Variants in LAMB4 observed in about 807,000 individuals in gnomAD.
The protein encoded by LAMB4 is laminin subunit beta-4.
Under a neutral mutation model 199.2 loss-of-function variants are expected in LAMB4, and 196 were observed. That is an observed-to-expected ratio of 0.98 (90% confidence interval 0.88 to 1.11). LAMB4 has a LOEUF of 1.11. LAMB4 is among the 50% of genes least tolerant of loss of function. LAMB4 has a pLI of 0.00. For synonymous variants in LAMB4, 744 were observed against 770.6 expected (o/e 0.97, Z 0.57); for missense variants, 2,080 against 2,171.2 (o/e 0.96, Z 0.83).
At chr7:108,015,307 C>A in the LAMB4 span, among the ~76,000 whole-genome samples, 9 of 152,204 alleles carry the variant, frequency 5.9e-5, no homozygotes, top group Non-Finnish European at 2.9e-5. Context: ...CTTTCCCAAG[C>A]TTTGAGCTTC....
intron 19 of LAMB4, 38 bp downstream of exon 19, chr7:108,067,978 G>A: frequency 1.2e-6 from 2 of 1,613,316 alleles, no homozygotes; most frequent in Non-Finnish European, 8.5e-7. Flanking sequence ...TGTCAAGACT[G>A]TGAGCAAGTG....
chr7:108,070,847 T>A (rs1195286189), intron 17 of LAMB4, among the ~76,000 whole-genome samples: 4 of 152,074 alleles, frequency 2.6e-5, no homozygotes, highest in Non-Finnish European at 5.9e-5. Context: ...TTTACCAGTG[T>A]CTCCTCTTTC....
At chr7:108,107,530 CT>C (rs1255574055) in intron 6 of LAMB4, 100 bp downstream of exon 6, 1 of 885,278 alleles carries the variant, frequency 1.1e-6, no homozygotes, top group East Asian at 2.8e-5. Flanking sequence ...AACAGCCCAA[CT>C]TACATTACAG....
intron 17 of LAMB4, among the ~76,000 whole-genome samples, chr7:108,076,516 G>A (rs1254100910): frequency 3.3e-5 from 5 of 152,136 alleles, no homozygotes; most frequent in African/African-American, 1.2e-4. Context: ...GTATAAAATG[G>A]GAACTTGGAA....
At chr7:108,092,239 T>C (rs1271478770) in intron 13 of LAMB4, 98 bp downstream of exon 13, 2 of 842,646 alleles carry the variant, frequency 2.4e-6, no homozygotes, top group Non-Finnish European at 1.9e-6. Flanking sequence ...TTGCTTGTCA[T>C]GGAATGAAAT....
At position 108,057,797 on chromosome 7, in the gene LAMB4, T is replaced by C. The variant is rs2036029762; in HGVS notation, c.3379+35A>G. 4 of 1,364,164 alleles carry C rather than the reference T, an allele frequency of 2.9e-6. No individual in the cohort carries two copies. The East Asian group carries it at 9.1e-5, about 31-fold the overall frequency. 84.5% of individuals were successfully genotyped at this position (1,364,164 alleles called of 1,614,324 possible). A position where few individuals can be genotyped will look rare whatever the true frequency, so the allele number is the denominator to read the frequency against. Reference sequence around the variant, plus strand: ...ATGTCCATGGTAGGGCCAGGCTGACTGTACGCATGAGTTTTTAGAAATCCC... The same window carrying C: ...ATGTCCATGGTAGGGCCAGGCTGACCGTACGCATGAGTTTTTAGAAATCCC... On this transcript the variant is annotated intron_variant, in intron 24 of 33. Coordinates refer to ENST00000388781, the MANE Select transcript of LAMB4 (RefSeq NM_007356.3).
the LAMB4 span, among the ~76,000 whole-genome samples, chr7:108,018,007 T>C: frequency 6.6e-6 from 1 of 152,264 alleles, no homozygotes; most frequent in Admixed American, 6.5e-5. Context: ...CACCTGATCC[T>C]TGGTCCACTG....
At chr7:108,024,248 C>T in intron 33 of LAMB4, 70 bp from the exon 34 acceptor site, 1 of 847,554 alleles carries the variant, frequency 1.2e-6, no homozygotes, top group Non-Finnish European at 1.7e-6. Context: ...CTACATTATA[C>T]CAAACACAGG....
intron 14 of LAMB4, among the ~76,000 whole-genome samples, chr7:108,081,949 C>T (rs1256128845): frequency 6.6e-6 from 1 of 152,094 alleles, no homozygotes; most frequent in Non-Finnish European, 1.5e-5. Flanking sequence ...AGAGGGCCTC[C>T]TTGGGGGCAT....
At chr7:108,100,697 T>C (rs1302259799) in intron 10 of LAMB4, among the ~76,000 whole-genome samples, 2 of 152,252 alleles carry the variant, frequency 1.3e-5, no homozygotes, top group African/African-American at 4.8e-5. Context: ...TCCTAGATTA[T>C]CTGTTTCAAT....
intron 14 of LAMB4, among the ~76,000 whole-genome samples, chr7:108,086,808 A>G (rs972273272): frequency 1.3e-5 from 2 of 152,230 alleles, no homozygotes; most frequent in Admixed American, 6.5e-5. Flanking sequence ...CTTGGGGCAC[A>G]TGGCAAACAC....
downstream of LAMB4, among the ~76,000 whole-genome samples, chr7:108,021,354 T>C (rs1218947593): frequency 6.6e-6 from 1 of 152,182 alleles, no homozygotes; most frequent in Non-Finnish European, 1.5e-5. Context: ...ACAATGTGGG[T>C]GTGCTTTCAT....
At chr7:108,116,632 T>C (rs1260087502) in intron 2 of LAMB4, among the ~76,000 whole-genome samples, 1 of 152,210 alleles carries the variant, frequency 6.6e-6, no homozygotes, top group Non-Finnish European at 1.5e-5. Context: ...TATTTCACCA[T>C]GGAAGGCATT....
At chr7:108,053,170 G>A (rs1222343656) in intron 25 of LAMB4, among the ~76,000 whole-genome samples, 1 of 152,198 alleles carries the variant, frequency 6.6e-6, no homozygotes, top group Non-Finnish European at 1.5e-5. Context: ...TAAGTGATGG[G>A]TCTTGAGTAA....
chr7:108,058,573 C>T (rs2036059388), intron 23 of LAMB4, among the ~76,000 whole-genome samples: 1 of 152,214 alleles, frequency 6.6e-6, no homozygotes, highest in Non-Finnish European at 1.5e-5. Flanking sequence ...CCTAAATTAG[C>T]TGCTTAAACA....
rs182469880 is a variant in LAMB4 at position 108,046,517 on chromosome 7, A to G, written c.4326+1391T>C. On this transcript the variant is annotated intron_variant, in intron 28 of 33. Coordinates refer to ENST00000388781, the MANE Select transcript of LAMB4 (RefSeq NM_007356.3). Reference sequence around the variant, plus strand: ...TCAGAGGCTCTTTGCGTATTGTCAAAAAAGAAACAGATTGGGGAGCACACC... The same window carrying G: ...TCAGAGGCTCTTTGCGTATTGTCAAGAAAGAAACAGATTGGGGAGCACACC... 3.2e-3 allele frequency among the ~76,000 whole-genome samples: 481 copies of G among 152,258 alleles called. 2 individuals carry two copies. Among genetic ancestry groups the G allele is most frequent in the African/African-American group, 0.011 (463 of 41,552 alleles).
chr7:108,095,697 C>T (rs1373214485), intron 11 of LAMB4, among the ~76,000 whole-genome samples: 1 of 152,140 alleles, frequency 6.6e-6, no homozygotes, highest in African/African-American at 2.4e-5. Flanking sequence ...TTACTGATCG[C>T]TCCTTCTCTG....
chr7:108,062,794 G>A lies in LAMB4; in HGVS notation c.3262C>T (p.Gln1088Ter). 6.9e-7 allele frequency: 1 copy of A among 1,439,840 alleles called. No homozygotes were observed. Among genetic ancestry groups the A allele is most frequent in the Non-Finnish European group, 9.2e-7 (1 of 1,090,658 alleles). 89.2% of individuals were successfully genotyped at this position (1,439,840 alleles called of 1,614,324 possible). A position where few individuals can be genotyped will look rare whatever the true frequency, so the allele number is the denominator to read the frequency against. Reference protein sequence around the residue: ...QSCDCDPRTSQSSHCDQLTGQ... With the variant: ...QSCDCDPRTS ...CTTGCCTGGTCACAGTGGCTACTTT[G>A]AGAGGTCCTAGGGTCACAGTCACAT... Residue 1088 changes from glutamine to a stop codon, truncating the protein, a stop_gained, in exon 23 of 34, where the codon CAA (glutamine) becomes TAA (stop). Transcript: ENST00000388781. LOFTEE classifies it high-confidence loss of function.
intron 32 of LAMB4, among the ~76,000 whole-genome samples, chr7:108,030,124 A>C (rs2034978683): frequency 6.6e-6 from 1 of 152,128 alleles, no homozygotes; most frequent in Non-Finnish European, 1.5e-5. Flanking sequence ...CTCACAAAAA[A>C]AAAAAAAAAG....
Sources: gnomAD v4.1 joint callset for allele counts (sites outside exome capture counted in the v4.1 genomes callset) on GRCh38, gnomAD v4.1.1 for gene constraint, MANE v1.5 for transcripts, NCBI Gene and HGNC (gene_info 2026-07-23, HGNC 2026-07-21) for gene names.